Variants in ATP10A observed in about 807,000 individuals in gnomAD.
ATP10A encodes phospholipid-transporting ATPase VA.
In ATP10A, 111 loss-of-function variants were observed where a neutral mutation model predicts 147.8. The ratio of observed to expected loss-of-function variants is 0.75; its 90% CI spans 0.64 to 0.88. The LOEUF is 0.88. Among genes scored for constraint, ATP10A ranks in the 40% least tolerant of loss-of-function variants. The pLI, the probability that ATP10A is intolerant of heterozygous loss-of-function variation, is 0.00. For synonymous variants in ATP10A, 875 were observed against 841.6 expected, an observed-to-expected ratio of 1.04 and a Z score of -0.69; for missense variants, 1,927 against 1,959.0, an observed-to-expected ratio of 0.98 and a Z score of 0.31.
At chr15:25,775,842 A>G (rs1485594741) in intron 2 of ATP10A, among the ~76,000 whole-genome samples, 2 of 152,216 alleles carry the variant, frequency 1.3e-5, no homozygotes, top group African/African-American at 4.8e-5. Context: ...TGGACTCTCC[A>G]GCTGTTCTCA....
rs771345520 is a variant in ATP10A, at chr15:25,727,139, G to A, written c.847+21C>T. On this transcript the variant is annotated intron_variant, in intron 4 of 20. Transcript: ENST00000555815. ...ACACAGCGCTGTCTGGCGGCAGGTG[G>A]TGCCAGGTGCCCGAGCCTACCTGCG... 6 of 1,580,196 alleles carry A rather than the reference G, an allele frequency of 3.8e-6. No individual in the cohort carries two copies. The Admixed American group carries it at 5.0e-5, about 13-fold the overall frequency.
chr15:25,859,419 G>A (rs916971515), intron 1 of ATP10A, among the ~76,000 whole-genome samples: 2 of 152,144 alleles, frequency 1.3e-5, no homozygotes, highest in Non-Finnish European at 2.9e-5. Flanking sequence ...TTCCCACCCG[G>A]GGCTGTGGGA....
intron 2 of ATP10A, among the ~76,000 whole-genome samples, chr15:25,777,026 A>G (rs1214224668): frequency 6.6e-6 from 1 of 151,428 alleles, no homozygotes; most frequent in Non-Finnish European, 1.5e-5. Context: ...TGAGTCCTCC[A>G]CGTATTGGTC....
chr15:25,858,239 TG>T, intron 1 of ATP10A, among the ~76,000 whole-genome samples: 1 of 152,328 alleles, frequency 6.6e-6, no homozygotes, highest in East Asian at 1.9e-4. Flanking sequence ...TCTTAACTCC[TG>T]GGTCTTGTCC....
intron 1 of ATP10A, among the ~76,000 whole-genome samples, chr15:25,813,939 T>TG (rs1891540091): frequency 6.6e-6 from 1 of 152,048 alleles, no homozygotes; most frequent in African/African-American, 2.4e-5. Context: ...AATTCAAGTT[T>TG]GGGGGGCGGT....
At chr15:25,734,824 A>G (rs1364176113) in intron 3 of ATP10A, among the ~76,000 whole-genome samples, 1 of 152,062 alleles carries the variant, frequency 6.6e-6, no homozygotes, top group African/African-American at 2.4e-5. Flanking sequence ...TGCTGTGCAG[A>G]GTTCACTTCC....
At chr15:25,822,632 T>C (rs1342461934) in intron 1 of ATP10A, among the ~76,000 whole-genome samples, 2 of 152,192 alleles carry the variant, frequency 1.3e-5, no homozygotes, top group Non-Finnish European at 2.9e-5. Flanking sequence ...AACCCTGACC[T>C]GTCTCACTCC....
chr15:25,846,997 T>C (rs1290621584), intron 1 of ATP10A, among the ~76,000 whole-genome samples: 1 of 152,222 alleles, frequency 6.6e-6, no homozygotes, highest in African/African-American at 2.4e-5. Flanking sequence ...ACTGTGGCTG[T>C]AATGAACCAG....
In ATP10A at chr15:25,842,192, C is replaced by A. The variant is rs374131940; in HGVS notation, c.449+20456G>T. On this transcript the variant is annotated intron_variant, in intron 1 of 20. Transcript: ENST00000555815. ...GGGTGTGGAGCGGGCCTTGGGCTCC[C>A]ACTAGGTCTCACTGAGCTTCCCCTT... 1.4e-4 allele frequency among the ~76,000 whole-genome samples: 21 copies of A among 152,280 alleles called. No individual in the cohort carries two copies. In the East Asian group the frequency reaches 3.3e-3, roughly 24 times the overall value.
chr15:25,730,442 C>T (rs1902911992), intron 3 of ATP10A, among the ~76,000 whole-genome samples: 1 of 152,152 alleles, frequency 6.6e-6, no homozygotes, highest in African/African-American at 2.4e-5. Flanking sequence ...TGAGTCTCCC[C>T]AGGCATCTCC....
chr15:25,712,399 C>T (rs563569037), intron 10 of ATP10A, among the ~76,000 whole-genome samples: 2 of 152,324 alleles, frequency 1.3e-5, no homozygotes, highest in South Asian at 2.1e-4. Context: ...GGACAGGCCT[C>T]GCCTGCCAGC....
chr15:25,702,959 A>AT (rs1900758236), intron 12 of ATP10A, among the ~76,000 whole-genome samples: 1 of 152,060 alleles, frequency 6.6e-6, no homozygotes, highest in Non-Finnish European at 1.5e-5. Flanking sequence ...GGGAGCACTA[A>AT]TCCCCAGTGT....
rs139162615 is a variant in ATP10A, at chr15:25,811,275, G to C, written c.450-30052C>G. On this transcript the variant is annotated intron_variant, in intron 1 of 20. Transcript: ENST00000555815. ...ACTCCAGCAGGCTCTCTGCGGATAA[G>C]GGATTGGAGTGAGTGAGAGGAAAGA... Among the ~76,000 whole-genome samples the C allele has an allele frequency of 4.6e-5, 7 of 152,320 alleles. No homozygotes were observed. In the East Asian group the frequency reaches 1.4e-3, roughly 29 times the overall value.
At chr15:25,832,618 G>A (rs933829588) in intron 1 of ATP10A, among the ~76,000 whole-genome samples, 2 of 150,180 alleles carry the variant, frequency 1.3e-5, no homozygotes, top group Admixed American at 1.3e-4. Flanking sequence ...GCTTTCGTGC[G>A]CTATATGTGA....
intron 10 of ATP10A, among the ~76,000 whole-genome samples, chr15:25,711,335 C>G (rs1427501279): frequency 6.6e-6 from 1 of 152,126 alleles, no homozygotes; most frequent in East Asian, 1.9e-4. Context: ...TTGATTTACA[C>G]AGGCAGAGCG....
intron 1 of ATP10A, among the ~76,000 whole-genome samples, chr15:25,817,800 G>C (rs1891728141): frequency 6.6e-6 from 1 of 152,080 alleles, no homozygotes; most frequent in African/African-American, 2.4e-5. Context: ...TCTAAAATGG[G>C]AACAATACAA....
chr15:25,768,268 C>T (rs1889134595), intron 2 of ATP10A, among the ~76,000 whole-genome samples: 1 of 152,220 alleles, frequency 6.6e-6, no homozygotes, highest in Non-Finnish European at 1.5e-5. Flanking sequence ...GCTCCTGGGC[C>T]ACTGCTCCTG....
chr15:25,772,045 C>A (rs959332674), intron 2 of ATP10A, among the ~76,000 whole-genome samples: 1 of 152,164 alleles, frequency 6.6e-6, no homozygotes, highest in Non-Finnish European at 1.5e-5. Flanking sequence ...AGCCATCGCG[C>A]CCGGCCTGAA....
intron 1 of ATP10A, among the ~76,000 whole-genome samples, chr15:25,830,554 T>C (rs1892311314): frequency 6.6e-6 from 1 of 152,150 alleles, no homozygotes. Flanking sequence ...GAACAGGCTC[T>C]CAGGAGGAGA....
Sources: gnomAD v4.1 joint callset for allele counts (sites outside exome capture counted in the v4.1 genomes callset) on GRCh38, gnomAD v4.1.1 for gene constraint, MANE v1.5 for transcripts, NCBI Gene and HGNC (gene_info 2026-07-23, HGNC 2026-07-21) for gene names.